The following WDR19 variants were observed in gnomAD, a reference collection of about 807,000 sequenced individuals.
WDR19 encodes WD repeat domain 19, also known as WD repeat-containing protein 19.
In WDR19, 121 loss-of-function variants were observed where a neutral mutation model predicts 180.0. The ratio of observed to expected loss-of-function variants is 0.67; its 90% CI spans 0.58 to 0.78. The LOEUF is 0.78. Ranked by LOEUF, WDR19 falls within the 30% of genes least tolerant of loss-of-function variation. The probability of loss-of-function intolerance (pLI) is 0.00; values close to 1 mark genes in which losing one functional copy is unlikely to be tolerated. For synonymous variants in WDR19, 497 were observed against 540.7 expected (o/e 0.92, Z 1.12); for missense variants, 1,450 against 1,640.7 (o/e 0.88, Z 2.01).
chr4:39,217,294 A>C, intron 13 of WDR19, 54 bp downstream of exon 13: 1 of 1,337,278 alleles, frequency 7.5e-7, no homozygotes, highest in Non-Finnish European at 1.0e-6. Context: ...GAACAGCCTA[A>C]TGTCTGATTA....
intron 30 of WDR19, among the ~76,000 whole-genome samples, chr4:39,268,895 G>A (rs773872812): frequency 6.6e-5 from 10 of 152,170 alleles, no homozygotes; most frequent in African/African-American, 1.7e-4. Context: ...AAATAAGAGC[G>A]ACTGCTGGGT....
At chr4:39,255,531 C>G (rs1216572485) in intron 26 of WDR19, among the ~76,000 whole-genome samples, 2 of 152,152 alleles carry the variant, frequency 1.3e-5, no homozygotes, top group African/African-American at 4.8e-5. Flanking sequence ...ATCTTCCCTA[C>G]TTGTCTGACA....
intron 36 of WDR19, among the ~76,000 whole-genome samples, chr4:39,281,236 T>TATATATATAGAGAGAGAGAGAGAGAG (rs762298152): frequency 5.8e-5 from 6 of 104,038 alleles, no homozygotes; most frequent in African/African-American, 2.6e-4. Context: ...TATATATATA[T>TATATATATAGAGAGAGAGAGAGAGAG]AGAGAGAGAG....
chr4:39,250,585 C>T (rs1212835157), intron 24 of WDR19, among the ~76,000 whole-genome samples: 4 of 152,216 alleles, frequency 2.6e-5, no homozygotes, highest in African/African-American at 9.7e-5. Flanking sequence ...TTGCAGATCA[C>T]ATGATTGTAT....
rs1007705403 is a variant in WDR19, at chr4:39,182,529, A to C, written c.-29A>C. On this transcript the variant is annotated 5_prime_UTR_variant, in exon 1 of 37. Transcript: ENST00000399820. ...GAGACCGGGTGCGCCTGCGTACTTC[A>C]TAGTTCGCGTAGCGGCTCGAGCGTG... 1.9e-6 allele frequency: 3 copies of C among 1,613,738 alleles called. No individual in the cohort carries two copies. Among genetic ancestry groups the C allele is most frequent in the Middle Eastern group, 1.7e-4 (1 of 5,950 alleles).
intron 4 of WDR19, among the ~76,000 whole-genome samples, chr4:39,194,303 C>G (rs1050756850): frequency 1.3e-5 from 2 of 152,150 alleles, no homozygotes; most frequent in Admixed American, 1.3e-4. Flanking sequence ...TTTTGAGGTT[C>G]CATCATAACT....
intron 27 of WDR19, among the ~76,000 whole-genome samples, chr4:39,256,545 T>C (rs1733779651): frequency 6.6e-6 from 1 of 152,180 alleles, no homozygotes; most frequent in South Asian, 2.1e-4. Context: ...AAACGGAAGC[T>C]TGGGGCTGCC....
intron 20 of WDR19, among the ~76,000 whole-genome samples, chr4:39,236,054 C>A (rs767872670): frequency 6.6e-6 from 1 of 152,054 alleles, no homozygotes; most frequent in South Asian, 2.1e-4. Context: ...ATTAGTAGAA[C>A]CTTTATGGAA....
chr4:39,278,239 G>C lies in WDR19; in HGVS notation c.3917+32G>C, dbSNP rs753515637. The C allele has an allele frequency of 1.9e-6, 3 of 1,547,898 alleles. No homozygotes were observed. In the South Asian group the frequency reaches 3.6e-5, roughly 19 times the overall value. On this transcript the variant is annotated intron_variant, in intron 35 of 36. Coordinates refer to ENST00000399820, the MANE Select transcript of WDR19 (RefSeq NM_025132.4). ...GTGCATCACGTCACTCAGTCTCACTGATTTCTCCCGACACAGGCCTTTCAT... is the reference window on the plus strand; with the variant it reads ...GTGCATCACGTCACTCAGTCTCACTCATTTCTCCCGACACAGGCCTTTCAT...
rs987812073 is a variant in WDR19 at position 39,205,135 on chromosome 4, T to C, written c.604-19T>C. 2.9e-5 allele frequency: 45 copies of C among 1,536,180 alleles called. No homozygotes were observed. The highest frequency in any genetic ancestry group is 4.0e-5 in the Non-Finnish European group (45 of 1,130,048). On this transcript the variant is annotated intron_variant, in intron 7 of 36. Transcript: ENST00000399820. ...GTACTAAGTAACTCATTTCACAATC[T>C]CCTAATCTTTTCTGGCAGATAAGTG... is the stretch of plus-strand genomic sequence containing the variant.
chr4:39,198,997 CAA>C (rs774671201), intron 5 of WDR19, among the ~76,000 whole-genome samples: 41 of 87,428 alleles, frequency 4.7e-4, no homozygotes, highest in Admixed American at 5.1e-4. Flanking sequence ...GACTCTGTCT[CAA>C]AAAAAAAAAA....
chr4:39,257,604 C>A (rs1447011946), intron 28 of WDR19, 50 bp downstream of exon 28: 3 of 1,519,900 alleles, frequency 2.0e-6, no homozygotes, highest in Non-Finnish European at 2.7e-6. Flanking sequence ...TTTTAAAAAA[C>A]TTCTTGAAAA....
intron 14 of WDR19, among the ~76,000 whole-genome samples, chr4:39,222,292 T>C (rs1284739132): frequency 6.6e-6 from 1 of 152,200 alleles, no homozygotes; most frequent in African/African-American, 2.4e-5. Flanking sequence ...TGAGAGTTCT[T>C]TATATATATT....
chr4:39,275,137 C>G, intron 33 of WDR19, 179 bp downstream of exon 33: 1 of 753,366 alleles, frequency 1.3e-6, no homozygotes, highest in Non-Finnish European at 2.2e-6. Flanking sequence ...GTCAGTAGTT[C>G]AAGACCAGCC....
intron 30 of WDR19, among the ~76,000 whole-genome samples, chr4:39,268,911 A>G (rs1484669632): frequency 6.6e-6 from 1 of 152,202 alleles, no homozygotes; most frequent in East Asian, 1.9e-4. Context: ...TGGGTTACCC[A>G]CAGCATCCTG....
intron 14 of WDR19, among the ~76,000 whole-genome samples, chr4:39,221,064 G>A (rs1729655039): frequency 6.6e-6 from 1 of 151,664 alleles, no homozygotes; most frequent in South Asian, 2.1e-4. Context: ...AAGCATGCTT[G>A]TTGCCATCTG....
At chr4:39,217,409 G>T (rs1417041149) in intron 13 of WDR19, among the ~76,000 whole-genome samples, 169 bp downstream of exon 13, 1 of 152,120 alleles carries the variant, frequency 6.6e-6, no homozygotes, top group African/African-American at 2.4e-5. Context: ...AAGTTCTGTT[G>T]ACTTTCTAAC....
intron 36 of WDR19, among the ~76,000 whole-genome samples, chr4:39,283,810 CCTTT>C (rs1163864977): frequency 2.6e-5 from 4 of 152,070 alleles, no homozygotes; most frequent in African/African-American, 4.8e-5. Flanking sequence ...TGAAGTACTT[CCTTT>C]GACATTTCTT....
Position 39,231,944 on chromosome 4 carries a change from G to A in WDR19, c.2130G>A (p.Leu710=), listed in dbSNP as rs1456483097. 1 of 1,612,744 alleles carries A rather than the reference G, an allele frequency of 6.2e-7. No homozygotes were observed. The highest frequency in any genetic ancestry group is 1.3e-5 in the African/African-American group (1 of 74,938). Residue 710 remains leucine, a synonymous_variant, in exon 18 of 37, where the codon TTG becomes TTA. Transcript: ENST00000399820. ...GAAATGTTGGCATAGTGATGTCCTT[G>A]GAACAAATAAAGGTAAACAGCATGT... ...RIGNVGIVMS[L]EQIKGIEDYN...
Sources: allele counts gnomAD v4.1 joint callset (sites outside exome capture counted in the v4.1 genomes callset), GRCh38; gene constraint gnomAD v4.1.1; transcripts MANE v1.5; gene names NCBI Gene and HGNC (gene_info 2026-07-23, HGNC 2026-07-21).